TENM2: variants seen among roughly 807,000 people sequenced by gnomAD.
TENM2 encodes teneurin-2.
In TENM2, 52 loss-of-function variants were observed where a neutral mutation model predicts 245.2. That is an observed-to-expected ratio of 0.21 (90% CI 0.17 to 0.27). The LOEUF is 0.27. Ranked by LOEUF, TENM2 falls within the 10% of genes least tolerant of loss-of-function variation. The probability of loss-of-function intolerance (pLI) is 1.00; values close to 1 mark genes in which losing one functional copy is unlikely to be tolerated. For missense variants in TENM2, 3,046 were observed against 3,666.8 expected (o/e 0.83, Z 4.37); for synonymous variants, 1,363 against 1,438.9 (o/e 0.95, Z 1.19).
intron 7 of TENM2, among the ~76,000 whole-genome samples, chr5:168,084,812 C>T (rs981540691): frequency 6.6e-6 from 1 of 152,186 alleles, no homozygotes; most frequent in African/African-American, 2.4e-5. Flanking sequence ...TCCAGGCACC[C>T]TTTTTTCTCT....
chr5:167,551,700 AT>A (rs1380250608), intron 2 of TENM2, among the ~76,000 whole-genome samples: 1 of 152,148 alleles, frequency 6.6e-6, no homozygotes, highest in Non-Finnish European at 1.5e-5. Flanking sequence ...TCATTTGTTT[AT>A]TTTTGCCAAA....
At chr5:167,291,954 C>T (rs1354219990) in intron 1 of TENM2, among the ~76,000 whole-genome samples, 2 of 152,156 alleles carry the variant, frequency 1.3e-5, no homozygotes, top group Non-Finnish European at 1.5e-5. Context: ...TTCCACATGG[C>T]TGGGAGGCCT....
chr5:167,112,074 A>C, the TENM2 span, among the ~76,000 whole-genome samples: 1 of 152,174 alleles, frequency 6.6e-6, no homozygotes, highest in Non-Finnish European at 1.5e-5. Context: ...GGGACATTAA[A>C]ATGATTGACA....
chr5:168,125,118 T>C (rs1272056440), intron 11 of TENM2, 68 bp downstream of exon 13: 1 of 1,328,906 alleles, frequency 7.5e-7, no homozygotes, highest in African/African-American at 1.5e-5. Context: ...CATTCTCAGA[T>C]GGATGGGAAT....
At chr5:167,754,152 G>A (rs1381044293) in intron 2 of TENM2, among the ~76,000 whole-genome samples, 35 of 152,140 alleles carry the variant, frequency 2.3e-4, no homozygotes, top group Non-Finnish European at 8.8e-5. Context: ...TTTCCTTCCA[G>A]ACATGATGGA....
At chr5:167,492,434 G>A (rs1227643242) in intron 2 of TENM2, among the ~76,000 whole-genome samples, 1 of 152,060 alleles carries the variant, frequency 6.6e-6, no homozygotes, top group Non-Finnish European at 1.5e-5. Flanking sequence ...CATGCGATGG[G>A]CTGAGTACAG....
chr5:167,670,644 C>A (rs1198526592), intron 2 of TENM2, among the ~76,000 whole-genome samples: 1 of 152,154 alleles, frequency 6.6e-6, no homozygotes, highest in Non-Finnish European at 1.5e-5. Flanking sequence ...GTCTTCATTA[C>A]CTCCTGGGAC....
At chr5:167,561,170 A>G (rs1380932370) in intron 2 of TENM2, among the ~76,000 whole-genome samples, 4 of 152,222 alleles carry the variant, frequency 2.6e-5, no homozygotes, top group African/African-American at 9.6e-5. Flanking sequence ...CTATGAGGCA[A>G]ATCATTTCCT....
At chr5:167,797,641 AT>A (rs895115972) in intron 2 of TENM2, among the ~76,000 whole-genome samples, 22 of 152,312 alleles carry the variant, frequency 1.4e-4, no homozygotes, top group African/African-American at 4.8e-4. Context: ...GGACAAAAAA[AT>A]ATGTTCCTTT....
chr5:167,433,008 C>T (rs540119158), intron 2 of TENM2, among the ~76,000 whole-genome samples: 1 of 152,168 alleles, frequency 6.6e-6, no homozygotes, highest in East Asian at 1.9e-4. Context: ...CTTTAAAATG[C>T]AACATTTAGA....
chr5:168,259,617 A>G (rs1768005224), intron 27 of TENM2, among the ~76,000 whole-genome samples: 1 of 152,170 alleles, frequency 6.6e-6, no homozygotes. Context: ...AGGCTGGAGA[A>G]AGCCTCTCAT....
intron 2 of TENM2, among the ~76,000 whole-genome samples, chr5:167,414,157 G>T (rs919186338): frequency 6.6e-6 from 1 of 152,094 alleles, no homozygotes; most frequent in African/African-American, 2.4e-5. Context: ...TCTTTTAACA[G>T]AGGAAAGATT....
chr5:167,874,853 C>G (rs1411557223), intron 2 of TENM2, among the ~76,000 whole-genome samples: 2 of 152,156 alleles, frequency 1.3e-5, no homozygotes, highest in African/African-American at 4.8e-5. Context: ...ACTGGCTGCT[C>G]CTCCTCAAGG....
At position 167,972,089 on chromosome 5, in the gene TENM2, A is replaced by G. The variant is rs138976476; in HGVS notation, c.947+19267A>G. 1.9e-3 allele frequency among the ~76,000 whole-genome samples: 291 copies of G among 152,352 alleles called. 2 individuals carry two copies. Among genetic ancestry groups the G allele is most frequent in the Middle Eastern group, 6.8e-3 (2 of 294 alleles). On this transcript the variant is annotated intron_variant, in intron 4 of 28. Transcript: ENST00000518659. Reference sequence around the variant, plus strand: ...TCATGAATTTAAGGCAAAGAATTAGAGCACATATTGCAACAGCTTTTGTCT... The same window carrying G: ...TCATGAATTTAAGGCAAAGAATTAGGGCACATATTGCAACAGCTTTTGTCT...
At chr5:168,105,419 T>A (rs1371429767) in intron 9 of TENM2, among the ~76,000 whole-genome samples, 1 of 152,060 alleles carries the variant, frequency 6.6e-6, no homozygotes, top group Non-Finnish European at 1.5e-5. Flanking sequence ...TAGATCACAG[T>A]CAGGGAAGGC....
At chr5:167,470,433 G>A (rs1039461166) in intron 2 of TENM2, among the ~76,000 whole-genome samples, 7 of 98,354 alleles carry the variant, frequency 7.1e-5, no homozygotes, top group African/African-American at 2.6e-4. Context: ...CAAAACTACA[G>A]AGAGGTATGG....
chr5:167,911,458 C>T (rs1454291387), intron 3 of TENM2, among the ~76,000 whole-genome samples: 1 of 152,136 alleles, frequency 6.6e-6, no homozygotes, highest in African/African-American at 2.4e-5. Context: ...ACCTGGGAGG[C>T]GGAGCTTGCC....
At chr5:168,024,089 G>T (rs955347541) in intron 5 of TENM2, among the ~76,000 whole-genome samples, 6 of 152,156 alleles carry the variant, frequency 3.9e-5, no homozygotes, top group Admixed American at 6.5e-5. Flanking sequence ...AATTCAAGAA[G>T]TATGTCTTAT....
At chr5:168,161,878 C>T (rs988034855) in intron 12 of TENM2, among the ~76,000 whole-genome samples, 2 of 150,670 alleles carry the variant, frequency 1.3e-5, no homozygotes, top group Admixed American at 1.3e-4. Flanking sequence ...AAAATAAGAA[C>T]TACTCCTACC....
Sources: allele counts gnomAD v4.1 joint callset (sites outside exome capture counted in the v4.1 genomes callset), GRCh38; gene constraint gnomAD v4.1.1; transcripts MANE v1.5; gene names NCBI Gene and HGNC (gene_info 2026-07-23, HGNC 2026-07-21).